The following TIMMDC1 variants were observed in gnomAD, a reference collection of about 807,000 sequenced individuals.
TIMMDC1 encodes translocase of inner mitochondrial membrane domain containing 1.
In TIMMDC1, 25 loss-of-function variants were observed where a neutral mutation model predicts 32.6. That is an observed-to-expected ratio of 0.77 (90% CI 0.56 to 1.07). The LOEUF is 1.07. Among genes scored for constraint, TIMMDC1 ranks in the 50% least tolerant of loss-of-function variants. The probability of loss-of-function intolerance (pLI) is 0.00; values close to 1 mark genes in which losing one functional copy is unlikely to be tolerated. For missense variants in TIMMDC1, 329 were observed against 349.2 expected, an observed-to-expected ratio of 0.94 and a Z score of 0.46; for synonymous variants, 130 against 127.6, an observed-to-expected ratio of 1.02 and a Z score of -0.13.
At position 119,517,332 on chromosome 3, in the gene TIMMDC1, G is replaced by A. The variant is rs60006470; in HGVS notation, c.707+17G>A. Reference sequence around the variant, plus strand: ...GGAAGAGTGGTAAGGAACATGTTGAGCCCAGGGAATCTTGGCTCTCTTGCC... The same window carrying A: ...GGAAGAGTGGTAAGGAACATGTTGAACCCAGGGAATCTTGGCTCTCTTGCC... On this transcript the variant is annotated intron_variant, in intron 6 of 6. Transcript: ENST00000494664. 0.05 allele frequency: 78,305 copies of A among 1,561,232 alleles called. 9,344 individuals carry two copies. Among genetic ancestry groups the A allele is most frequent in the African/African-American group, 0.47 (34,236 of 73,580 alleles).
intron 2 of TIMMDC1, among the ~76,000 whole-genome samples, chr3:119,502,634 C>T (rs2081887844): frequency 1.3e-5 from 2 of 152,074 alleles, no homozygotes; most frequent in African/African-American, 4.8e-5. Context: ...TCATAGCTCA[C>T]CACAACCTCA....
At chr3:119,506,834 C>T (rs759309405) in intron 4 of TIMMDC1, among the ~76,000 whole-genome samples, 2 of 152,216 alleles carry the variant, frequency 1.3e-5, no homozygotes, top group South Asian at 2.1e-4. Context: ...ACAATCTCCT[C>T]GGATTTCCCA....
chr3:119,502,948 C>T (rs1336906022), intron 2 of TIMMDC1, among the ~76,000 whole-genome samples: 1 of 152,152 alleles, frequency 6.6e-6, no homozygotes, highest in Non-Finnish European at 1.5e-5. Context: ...ATTCTTTCTA[C>T]ATTTATTGGT....
chr3:119,523,650 A>C lies in TIMMDC1; in HGVS notation c.752A>C (p.Glu251Ala). The C allele has an allele frequency of 6.2e-7, 1 of 1,613,108 alleles. No individual in the cohort carries two copies. The highest frequency in any genetic ancestry group is 8.5e-7 in the Non-Finnish European group (1 of 1,179,568). The change falls in exon 7 of 7, where the codon GAA (glutamate) becomes GCA (alanine). Residue 251 changes from glutamate to alanine, a missense_variant. Glu to Ala is a moderately radical substitution (Grantham distance 107). Transcript: ENST00000494664. The stretch of plus-strand genomic sequence containing the variant: ...ACTGAGCACCTCCCTGAGAAAATTG[A>C]AAGTAGTTTACAGGAAGATGAACCT... The part of the protein sequence containing the change: ...QVTEHLPEKI[E>A]SSLQEDEPEN...
At chr3:119,511,168 C>T (rs2081949623) in intron 4 of TIMMDC1, among the ~76,000 whole-genome samples, 1 of 151,914 alleles carries the variant, frequency 6.6e-6, no homozygotes, top group African/African-American at 2.4e-5. Flanking sequence ...AAACATTTTT[C>T]AATATATTTA....
At position 119,523,603 on chromosome 3, in the gene TIMMDC1, C is replaced by T. The variant is rs762557216; in HGVS notation, c.708-3C>T. On this transcript the variant is annotated splice_region_variant and splice_polypyrimidine_tract_variant and intron_variant, in intron 6 of 6. Coordinates refer to ENST00000494664, the MANE Select transcript of TIMMDC1 (RefSeq NM_016589.4). ...TTGATTTATCCTTTTTATCTGATTA[C>T]AGGAAAGGCAGACTACAAGTTACTG... 6.3e-7 allele frequency: 1 copy of T among 1,591,872 alleles called. No individual in the cohort carries two copies. Among genetic ancestry groups the T allele is most frequent in the African/African-American group, 1.4e-5 (1 of 73,548 alleles).
chr3:119,499,031 C>A, intron 1 of TIMMDC1, 104 bp downstream of exon 1: 2 of 828,930 alleles, frequency 2.4e-6, no homozygotes, highest in Non-Finnish European at 1.9e-6. Flanking sequence ...TGGTGTGCTT[C>A]ATTTTTAGAT....
chr3:119,509,183 G>T (rs1230625072), intron 4 of TIMMDC1, among the ~76,000 whole-genome samples: 2 of 147,192 alleles, frequency 1.4e-5, no homozygotes, highest in Non-Finnish European at 3.1e-5. Context: ...TCCAGCCTGG[G>T]CTACAGAGTG....
intron 4 of TIMMDC1, among the ~76,000 whole-genome samples, chr3:119,509,162 C>A (rs887407684): frequency 6.6e-6 from 1 of 151,746 alleles, no homozygotes; most frequent in African/African-American, 2.4e-5. Context: ...GCTGAGATCG[C>A]GCCACTGCAC....
intron 2 of TIMMDC1, 30 bp from the exon 3 acceptor site, chr3:119,503,502 A>G (rs1277659790): frequency 5.8e-6 from 9 of 1,548,272 alleles, no homozygotes; most frequent in Admixed American, 2.0e-5. Flanking sequence ...ATGGTGTCTT[A>G]GAACCTCACA....
At chr3:119,501,251 A>G (rs932852488) in intron 2 of TIMMDC1, among the ~76,000 whole-genome samples, 2 of 152,248 alleles carry the variant, frequency 1.3e-5, no homozygotes, top group Non-Finnish European at 2.9e-5. Flanking sequence ...CGTTTGTTAC[A>G]TCATTAGATC....
intron 5 of TIMMDC1, among the ~76,000 whole-genome samples, chr3:119,514,945 T>C (rs1054626508): frequency 1.3e-5 from 2 of 151,978 alleles, no homozygotes; most frequent in African/African-American, 2.4e-5. Context: ...AAACCAGCAG[T>C]TTGGGAGGCC....
intron 4 of TIMMDC1, among the ~76,000 whole-genome samples, chr3:119,509,486 A>G (rs1365778327): frequency 6.6e-6 from 1 of 152,284 alleles, no homozygotes; most frequent in East Asian, 1.9e-4. Context: ...AAAGCTAGAC[A>G]CAAAAGACTT....
intron 6 of TIMMDC1, 111 bp from the exon 7 acceptor site, chr3:119,523,495 T>C: frequency 9.2e-7 from 1 of 1,085,648 alleles, no homozygotes; most frequent in Non-Finnish European, 1.3e-6. Context: ...TGCTTCTAAA[T>C]TGCTATACCA....
intron 2 of TIMMDC1, among the ~76,000 whole-genome samples, chr3:119,502,218 A>T (rs776249521): frequency 2.6e-5 from 4 of 151,770 alleles, no homozygotes; most frequent in Non-Finnish European, 5.9e-5. Flanking sequence ...TTATTTTTTT[A>T]AAAATTATTT....
At chr3:119,507,454 G>C (rs187753862) in intron 4 of TIMMDC1, among the ~76,000 whole-genome samples, 242 of 152,268 alleles carry the variant, frequency 1.6e-3, no homozygotes, top group African/African-American at 5.6e-3. Context: ...TTCTGTTACA[G>C]TGGGTTTTTA....
rs1205167692 is a variant in TIMMDC1 at position 119,517,204 on chromosome 3, G to C, written c.597-1G>C. On this transcript the variant is annotated splice_acceptor_variant, in intron 5 of 6. Transcript: ENST00000494664. LOFTEE classifies it high-confidence loss of function. ...AAGCTTTCCCTCTCCTTTCTTCTCA[G>C]CACTCCTGTAGGAGGCCTGCTGATG... is the stretch of plus-strand genomic sequence containing the variant. The C allele has an allele frequency of 6.2e-7, 1 of 1,600,752 alleles. No homozygotes were observed. The highest frequency in any genetic ancestry group is 1.1e-5 in the South Asian group (1 of 90,738).
chr3:119,518,820 A>G (rs1339564138), intron 6 of TIMMDC1, among the ~76,000 whole-genome samples: 1 of 152,174 alleles, frequency 6.6e-6, no homozygotes, highest in Non-Finnish European at 1.5e-5. Context: ...CAGATTTGCC[A>G]GCAGAAACCT....
intron 2 of TIMMDC1, among the ~76,000 whole-genome samples, chr3:119,501,420 T>C (rs1560044938): frequency 6.6e-6 from 1 of 152,238 alleles, no homozygotes. Flanking sequence ...ATGTTTGTTT[T>C]ATCATTCTCC....
Sources: gnomAD v4.1 joint callset for allele counts (sites outside exome capture counted in the v4.1 genomes callset) on GRCh38, gnomAD v4.1.1 for gene constraint, MANE v1.5 for transcripts, NCBI Gene and HGNC (gene_info 2026-07-23, HGNC 2026-07-21) for gene names.